CCSER1: variants seen among roughly 807,000 people sequenced by gnomAD.
CCSER1 encodes the protein serine-rich coiled-coil domain-containing protein 1.
A neutral mutation model predicts 82.0 loss-of-function variants in CCSER1; 41 were observed. The observed-to-expected ratio is 0.50, with a 90% confidence interval of 0.39 to 0.65. CCSER1 has a LOEUF of 0.65. Among genes scored for constraint, CCSER1 ranks in the 30% least tolerant of loss-of-function variants. The pLI is 0.00. For missense variants in CCSER1, 1,119 were observed against 1,064.2 expected, an observed-to-expected ratio of 1.05 and a Z score of -0.72; for synonymous variants, 414 against 383.9, an observed-to-expected ratio of 1.08 and a Z score of -0.92.
chr4:91,462,811 AG>A (rs1250067581), intron 10 of CCSER1, among the ~76,000 whole-genome samples: 3 of 151,974 alleles, frequency 2.0e-5, no homozygotes, highest in Admixed American at 2.0e-4. Context: ...AGGCTTGGGG[AG>A]GGGCGCCTGC....
intron 10 of CCSER1, among the ~76,000 whole-genome samples, chr4:91,366,550 A>G (rs1749627456): frequency 6.6e-6 from 1 of 152,230 alleles, no homozygotes; most frequent in South Asian, 2.1e-4. Context: ...CTCAGAGTCC[A>G]TTTAAATTAG....
intron 10 of CCSER1, among the ~76,000 whole-genome samples, chr4:91,512,355 T>C (rs1231514872): frequency 6.6e-6 from 1 of 152,180 alleles, no homozygotes; most frequent in East Asian, 1.9e-4. Flanking sequence ...CCATCCTGGA[T>C]GCTTTCTATC....
At chr4:90,610,643 A>G (rs1477453534) in intron 5 of CCSER1, among the ~76,000 whole-genome samples, 1 of 152,210 alleles carries the variant, frequency 6.6e-6, no homozygotes, top group Non-Finnish European at 1.5e-5. Context: ...AATACATAGA[A>G]GTCAAATCAA....
At chr4:91,048,821 T>C (rs1006898678) in intron 9 of CCSER1, among the ~76,000 whole-genome samples, 10 of 152,154 alleles carry the variant, frequency 6.6e-5, no homozygotes, top group African/African-American at 2.2e-4. Flanking sequence ...CCAAACTCTC[T>C]GAATGAATCT....
intron 9 of CCSER1, among the ~76,000 whole-genome samples, chr4:90,949,991 T>C (rs528454062): frequency 3.3e-5 from 5 of 152,224 alleles, no homozygotes; most frequent in Non-Finnish European, 7.4e-5. Context: ...CTAAGCCCTC[T>C]GCTATCATAC....
chr4:91,033,387 T>C (rs1741152766), intron 9 of CCSER1, among the ~76,000 whole-genome samples: 1 of 151,778 alleles, frequency 6.6e-6, no homozygotes, highest in Non-Finnish European at 1.5e-5. Context: ...GGAAAAAGGG[T>C]AGAAGGAAAT....
At chr4:91,197,544 A>G (rs754746346) in intron 10 of CCSER1, among the ~76,000 whole-genome samples, 1 of 152,212 alleles carries the variant, frequency 6.6e-6, no homozygotes, top group Non-Finnish European at 1.5e-5. Context: ...TAAAAGCTGA[A>G]GTAGTGTAAA....
chr4:90,391,205 G>A (rs530533403), intron 3 of CCSER1, among the ~76,000 whole-genome samples: 23 of 147,312 alleles, frequency 1.6e-4, no homozygotes, highest in South Asian at 1.3e-3. Flanking sequence ...CCTGGGAGGC[G>A]GAGGTTGCAG....
intron 5 of CCSER1, among the ~76,000 whole-genome samples, chr4:90,493,527 C>G (rs1768434740): frequency 6.6e-6 from 1 of 152,126 alleles, no homozygotes; most frequent in Non-Finnish European, 1.5e-5. Context: ...GGTCGGGTTA[C>G]CCACAAAGGG....
At chr4:90,146,468 A>G (rs1193011736) in intron 1 of CCSER1, among the ~76,000 whole-genome samples, 2 of 152,004 alleles carry the variant, frequency 1.3e-5, no homozygotes, top group East Asian at 3.9e-4. Flanking sequence ...GCCTAGAAAA[A>G]CAGCTACCGT....
intron 10 of CCSER1, among the ~76,000 whole-genome samples, chr4:91,153,910 G>C (rs1274063653): frequency 6.6e-6 from 1 of 151,978 alleles, no homozygotes; most frequent in Non-Finnish European, 1.5e-5. Context: ...TGAGGTGTCA[G>C]TCGGCCCCTA....
intron 5 of CCSER1, among the ~76,000 whole-genome samples, chr4:90,485,361 C>A (rs545602361): frequency 6.6e-6 from 1 of 152,176 alleles, no homozygotes. Flanking sequence ...GGTTCACGCA[C>A]GGTGCGCTGC....
rs986674644 is a variant in CCSER1 at position 90,324,676 on chromosome 4, T to G, written c.1509+11629T>G. ...CTGTGCAGAAGCTCTTTAGTTTAAT[T>G]AGATCCCATTTGTCAATTTTGGCTT... On this transcript the variant is annotated intron_variant, in intron 3 of 10. Coordinates refer to ENST00000509176, the MANE Select transcript of CCSER1 (RefSeq NM_001145065.2). Among the ~76,000 whole-genome samples the G allele has an allele frequency of 2.6e-5, 4 of 152,000 alleles. No homozygotes were observed. The South Asian group carries it at 6.2e-4, about 24-fold the overall frequency.
intron 10 of CCSER1, among the ~76,000 whole-genome samples, chr4:91,515,100 G>A (rs921659953): frequency 6.6e-6 from 1 of 151,994 alleles, no homozygotes; most frequent in African/African-American, 2.4e-5. Context: ...ATCACATATG[G>A]TATTATGGTA....
At chr4:90,534,430 G>C (rs1487473948) in intron 5 of CCSER1, among the ~76,000 whole-genome samples, 4 of 149,792 alleles carry the variant, frequency 2.7e-5, no homozygotes, top group Admixed American at 6.6e-5. Context: ...AGCCCAGGCT[G>C]TGCCAGCCTT....
chr4:90,189,596 G>A (rs1377574792), intron 1 of CCSER1, among the ~76,000 whole-genome samples: 1 of 151,748 alleles, frequency 6.6e-6, no homozygotes, highest in African/African-American at 2.4e-5. Context: ...GAGACGTTGT[G>A]TTTAATATTC....
chr4:91,536,450 A>G (rs139651572), intron 10 of CCSER1, among the ~76,000 whole-genome samples: 1 of 152,220 alleles, frequency 6.6e-6, no homozygotes, highest in Admixed American at 6.6e-5. Context: ...CTGTAGATCC[A>G]GTCTCTACCT....
At chr4:90,981,610 C>G (rs1736119627) in intron 9 of CCSER1, among the ~76,000 whole-genome samples, 1 of 151,788 alleles carries the variant, frequency 6.6e-6, no homozygotes, top group South Asian at 2.1e-4. Context: ...GGAGGAGTCC[C>G]TGTCACATAC....
chr4:90,393,710 A>G (rs1002787863), intron 3 of CCSER1, among the ~76,000 whole-genome samples: 19 of 151,988 alleles, frequency 1.3e-4, no homozygotes, highest in African/African-American at 4.6e-4. Context: ...AAATATTAAT[A>G]AAGAGATTCA....
Sources: allele counts gnomAD v4.1 joint callset (sites outside exome capture counted in the v4.1 genomes callset), GRCh38; gene constraint gnomAD v4.1.1; transcripts MANE v1.5; gene names NCBI Gene and HGNC (gene_info 2026-07-23, HGNC 2026-07-21).